The following PTPRD variants were observed in gnomAD, a reference collection of about 807,000 sequenced individuals.
The protein encoded by PTPRD is receptor-type tyrosine-protein phosphatase delta.
PTPRD carries 34 observed loss-of-function variants against 214.5 expected under a neutral mutation model. That is an observed-to-expected ratio of 0.16 (90% CI 0.12 to 0.21). PTPRD has a LOEUF of 0.21. Ranked by LOEUF, PTPRD falls within the 10% of genes least tolerant of loss-of-function variation. The probability of loss-of-function intolerance (pLI) is 1.00; values close to 1 mark genes in which losing one functional copy is unlikely to be tolerated. For synonymous variants in PTPRD, 1,128 were observed against 845.7 expected, an observed-to-expected ratio of 1.33 and a Z score of -5.79; for missense variants, 2,545 against 2,398.7, an observed-to-expected ratio of 1.06 and a Z score of -1.27.
intron 11 of PTPRD, among the ~76,000 whole-genome samples, chr9:8,968,633 A>G (rs574650017): frequency 1.2e-4 from 18 of 152,202 alleles, no homozygotes; most frequent in African/African-American, 4.3e-4. Context: ...TTACACACAA[A>G]GGAAAAGTTA....
intron 8 of PTPRD, among the ~76,000 whole-genome samples, chr9:9,515,535 T>C (rs1362747645): frequency 6.6e-6 from 1 of 152,036 alleles, no homozygotes; most frequent in Non-Finnish European, 1.5e-5. Flanking sequence ...TAAGAGAGAA[T>C]GGTGGAGATG....
intron 2 of PTPRD, among the ~76,000 whole-genome samples, chr9:10,612,020 C>A (rs2081130391): frequency 6.7e-6 from 1 of 148,806 alleles, no homozygotes; most frequent in South Asian, 2.2e-4. Context: ...TTGAAGGTGG[C>A]AGGAGAAGTG....
At chr9:8,811,326 T>C (rs1367606653) in intron 11 of PTPRD, among the ~76,000 whole-genome samples, 2 of 152,036 alleles carry the variant, frequency 1.3e-5, no homozygotes, top group Non-Finnish European at 2.9e-5. Context: ...CTTCACCATT[T>C]ATAGTCAAGT....
At chr9:10,547,328 G>A (rs779559733) in intron 2 of PTPRD, among the ~76,000 whole-genome samples, 1 of 150,780 alleles carries the variant, frequency 6.6e-6, no homozygotes, top group Non-Finnish European at 1.5e-5. Flanking sequence ...TTTCTTTTAA[G>A]TCACTGCCAG....
At chr9:9,818,504 T>C (rs958392487) in intron 5 of PTPRD, among the ~76,000 whole-genome samples, 3 of 151,986 alleles carry the variant, frequency 2.0e-5, no homozygotes, top group African/African-American at 4.8e-5. Context: ...AGAAATAATA[T>C]ATAAGTAGAA....
intron 8 of PTPRD, among the ~76,000 whole-genome samples, chr9:9,400,138 G>C (rs1021500287): frequency 1.8e-4 from 24 of 136,220 alleles, no homozygotes; most frequent in African/African-American, 6.6e-4. Context: ...TGAGTAAATA[G>C]AAAAATATGA....
intron 11 of PTPRD, among the ~76,000 whole-genome samples, chr9:9,005,996 C>G (rs1001768547): frequency 6.6e-6 from 1 of 151,852 alleles, no homozygotes; most frequent in African/African-American, 2.4e-5. Context: ...GTCTGAATAG[C>G]CTGGATTTTT....
intron 5 of PTPRD, among the ~76,000 whole-genome samples, chr9:9,892,262 A>G (rs1305044929): frequency 1.3e-5 from 2 of 152,122 alleles, no homozygotes; most frequent in Non-Finnish European, 2.9e-5. Flanking sequence ...AAATAGCCAG[A>G]TAAGGCCTTA....
chr9:8,415,846 T>C (rs1447137541), intron 35 of PTPRD, among the ~76,000 whole-genome samples: 1 of 152,062 alleles, frequency 6.6e-6, no homozygotes. Context: ...ACCACACAAC[T>C]AATGCAAGTG....
At chr9:10,315,428 G>C (rs776542100) in intron 3 of PTPRD, among the ~76,000 whole-genome samples, 3 of 151,726 alleles carry the variant, frequency 2.0e-5, no homozygotes, top group Non-Finnish European at 2.9e-5. Context: ...TCTGAAATTG[G>C]AATGTCTATA....
At chr9:10,069,970 A>T (rs1295046222) in intron 3 of PTPRD, among the ~76,000 whole-genome samples, 1 of 152,070 alleles carries the variant, frequency 6.6e-6, no homozygotes, top group Non-Finnish European at 1.5e-5. Flanking sequence ...AATATGTGCC[A>T]TGAACACACT....
chr9:10,474,961 T>C (rs4400439), intron 2 of PTPRD, among the ~76,000 whole-genome samples: 122,123 of 152,074 alleles, frequency 0.8, 49,471 homozygotes, highest in East Asian at 0.92. Flanking sequence ...AACGTACCAG[T>C]GTCTCTGGGA....
chr9:10,594,713 T>G (rs10959186), intron 2 of PTPRD, among the ~76,000 whole-genome samples: 2,435 of 152,068 alleles, frequency 0.016, 62 homozygotes, highest in African/African-American at 0.055. Flanking sequence ...GGTCACACCC[T>G]TGCAACAATT....
intron 8 of PTPRD, among the ~76,000 whole-genome samples, chr9:9,462,440 T>A (rs148359810): frequency 6.6e-6 from 1 of 152,190 alleles, no homozygotes; most frequent in African/African-American, 2.4e-5. Context: ...CCAGAAGTCA[T>A]TGTCATAAAA....
chr9:8,839,379 G>T (rs796916693), intron 11 of PTPRD, among the ~76,000 whole-genome samples: 1 of 151,904 alleles, frequency 6.6e-6, no homozygotes. Flanking sequence ...AGGCTGGAGC[G>T]CTGTGGCGCG....
At chr9:8,879,804 C>T (rs1246185209) in intron 11 of PTPRD, among the ~76,000 whole-genome samples, 1 of 152,094 alleles carries the variant, frequency 6.6e-6, no homozygotes, top group Non-Finnish European at 1.5e-5. Flanking sequence ...GAGGCTGGAC[C>T]AAATCTGGAA....
At chr9:9,057,287 C>T (rs753553932) in intron 10 of PTPRD, among the ~76,000 whole-genome samples, 2 of 152,058 alleles carry the variant, frequency 1.3e-5, no homozygotes, top group African/African-American at 2.4e-5. Flanking sequence ...TCAGTCTTGG[C>T]AATGATATAT....
chr9:9,955,740 G>T (rs983342139), intron 4 of PTPRD, among the ~76,000 whole-genome samples: 1 of 152,216 alleles, frequency 6.6e-6, no homozygotes, highest in African/African-American at 2.4e-5. Flanking sequence ...AGCCAGGATG[G>T]TCTCGATCTC....
At chr9:9,511,611 T>C (rs892178679) in intron 8 of PTPRD, among the ~76,000 whole-genome samples, 1 of 151,798 alleles carries the variant, frequency 6.6e-6, no homozygotes, top group African/African-American at 2.4e-5. Context: ...AACATCAACA[T>C]CATATCTCTT....
Sources: gnomAD v4.1 joint callset for allele counts (sites outside exome capture counted in the v4.1 genomes callset) on GRCh38, gnomAD v4.1.1 for gene constraint, MANE v1.5 for transcripts, NCBI Gene and HGNC (gene_info 2026-07-23, HGNC 2026-07-21) for gene names.